Variants in EFHC2 observed in about 807,000 individuals in gnomAD.
EFHC2 encodes the protein EF-hand domain containing 2.
EFHC2 carries 18 observed loss-of-function variants against 52.7 expected under a neutral mutation model. That is an observed-to-expected ratio of 0.34 (90% CI 0.24 to 0.51). The LOEUF (loss-of-function observed/expected upper bound fraction) is 0.51, where lower values mean the gene tolerates loss of function less well. Ranked by LOEUF, EFHC2 falls within the 20% of genes least tolerant of loss-of-function variation. The pLI, the probability that EFHC2 is intolerant of heterozygous loss-of-function variation, is 0.97. For missense variants in EFHC2, 513 were observed against 562.5 expected, an observed-to-expected ratio of 0.91 and a Z score of 0.89; for synonymous variants, 203 against 204.1, an observed-to-expected ratio of 0.99 and a Z score of 0.04.
chrX:44,282,834 A>G (rs1270844284), intron 2 of EFHC2, among the ~76,000 whole-genome samples: 1 of 110,479 alleles, frequency 9.1e-6, no homozygotes, highest in Admixed American at 9.6e-5. Context: ...AAAAGCATGT[A>G]ATGGCTGCAG....
intron 13 of EFHC2, among the ~76,000 whole-genome samples, chrX:44,170,419 A>T (rs770535506): frequency 1.8e-5 from 2 of 111,180 alleles, no homozygotes; most frequent in Non-Finnish European, 3.8e-5. Context: ...TCCTAACAAT[A>T]GTATAGGTCA....
At position 44,343,590 on chromosome X, in the gene EFHC2, G is replaced by A. The variant is rs909773185; in HGVS notation, c.-2C>T. On this transcript the variant is annotated 5_prime_UTR_variant, in exon 1 of 15. Transcript: ENST00000420999. ...GCCCGGCAGCAGAGGCAGGGCCATG[G>A]CGCTCAGTGTCCGAAAATCCAGGGT... The A allele has an allele frequency of 3.4e-6, 4 of 1,193,845 alleles. No individual in the cohort carries two copies. Among genetic ancestry groups the A allele is most frequent in the Non-Finnish European group, 4.5e-6 (4 of 886,609 alleles).
intron 11 of EFHC2, among the ~76,000 whole-genome samples, chrX:44,192,054 ATATG>A (rs1028300029): frequency 1.2e-4 from 11 of 92,398 alleles, no homozygotes; most frequent in Non-Finnish European, 1.9e-4. Context: ...TTGAATTCAC[ATATG>A]TAAGTGTGTG....
At chrX:44,243,445 G>T (rs1353479086) in intron 7 of EFHC2, among the ~76,000 whole-genome samples, 1 of 112,059 alleles carries the variant, frequency 8.9e-6, no homozygotes, top group African/African-American at 3.2e-5. Context: ...AGAAAATGGA[G>T]ATCAATTTTT....
chrX:44,192,667 A>G (rs1191071591), intron 11 of EFHC2, among the ~76,000 whole-genome samples: 1 of 105,439 alleles, frequency 9.5e-6, no homozygotes, highest in African/African-American at 3.5e-5. Context: ...CATTGTTTCA[A>G]TCCCTCTCTA....
At chrX:44,289,717 T>A in intron 2 of EFHC2, among the ~76,000 whole-genome samples, 1 of 96,186 alleles carries the variant, frequency 1.0e-5, no homozygotes, top group Non-Finnish European at 2.1e-5. Flanking sequence ...AGACTCACTC[T>A]GTCGCCAGGG....
intron 10 of EFHC2, among the ~76,000 whole-genome samples, chrX:44,231,941 C>CAAA: frequency 9.5e-6 from 1 of 105,109 alleles, no homozygotes; most frequent in African/African-American, 3.4e-5. Context: ...CATCTTATTT[C>CAAA]AAAAAAAAAA....
intron 2 of EFHC2, among the ~76,000 whole-genome samples, chrX:44,309,025 G>A (rs1056595405): frequency 8.0e-5 from 9 of 112,841 alleles, no homozygotes; most frequent in African/African-American, 1.3e-4. Flanking sequence ...TTAAATGACT[G>A]TTTAATCCTG....
intron 11 of EFHC2, among the ~76,000 whole-genome samples, chrX:44,207,139 T>C (rs1185763766): frequency 8.9e-6 from 1 of 112,172 alleles, no homozygotes; most frequent in Non-Finnish European, 1.9e-5. Flanking sequence ...CTTCAATAAA[T>C]GGTGCTGGGA....
chrX:44,274,904 T>A (rs954408011), intron 2 of EFHC2, among the ~76,000 whole-genome samples: 8 of 110,767 alleles, frequency 7.2e-5, no homozygotes, highest in African/African-American at 2.6e-4. Context: ...AAAAATAATT[T>A]TTTTTAAAAA....
intron 2 of EFHC2, among the ~76,000 whole-genome samples, chrX:44,287,065 G>A (rs57795935): frequency 0.2 from 13,779 of 68,716 alleles, 1,182 homozygotes; most frequent in African/African-American, 0.35. Context: ...GTTTTTTAAT[G>A]AAAAATAGGC....
At chrX:44,168,589 G>A (rs1377673573) in intron 13 of EFHC2, among the ~76,000 whole-genome samples, 2 of 110,651 alleles carry the variant, frequency 1.8e-5, no homozygotes, top group South Asian at 3.8e-4. Context: ...ATCTTCCTCC[G>A]TACTGTGCTC....
At chrX:44,194,261 T>C (rs2036945088) in intron 11 of EFHC2, among the ~76,000 whole-genome samples, 1 of 112,103 alleles carries the variant, frequency 8.9e-6, no homozygotes, top group African/African-American at 3.2e-5. Context: ...TTATTTGTTT[T>C]GGGTCTTCTA....
chrX:44,207,168 T>G (rs1261622083), intron 11 of EFHC2, among the ~76,000 whole-genome samples: 1 of 111,776 alleles, frequency 8.9e-6, no homozygotes, highest in Non-Finnish European at 1.9e-5. Context: ...TAGACATGAA[T>G]TGGATCCCTA....
chrX:44,270,120 T>C (rs182406928), intron 3 of EFHC2, among the ~76,000 whole-genome samples: 57 of 111,652 alleles, frequency 5.1e-4, no homozygotes, highest in Middle Eastern at 4.6e-3. Context: ...GGCCTATTAT[T>C]ACTCCATGAG....
intron 11 of EFHC2, among the ~76,000 whole-genome samples, chrX:44,207,933 T>G (rs1021437943): frequency 7.1e-5 from 8 of 111,935 alleles, no homozygotes; most frequent in African/African-American, 2.6e-4. Context: ...GAAGGCAAAT[T>G]AAAATCAAAT....
intron 12 of EFHC2, among the ~76,000 whole-genome samples, chrX:44,177,797 T>G (rs2036798445): frequency 9.0e-6 from 1 of 110,681 alleles, no homozygotes; most frequent in African/African-American, 3.3e-5. Flanking sequence ...CATCTCAGAA[T>G]TAACCCTCCT....
intron 11 of EFHC2, among the ~76,000 whole-genome samples, chrX:44,225,067 G>A (rs926642922): frequency 5.4e-5 from 6 of 110,858 alleles, no homozygotes; most frequent in African/African-American, 2.0e-4. Flanking sequence ...ACTGCCACCA[G>A]GTATCTATCC....
chrX:44,333,812 G>A (rs767182298), intron 1 of EFHC2, among the ~76,000 whole-genome samples: 31 of 111,230 alleles, frequency 2.8e-4, no homozygotes, highest in Non-Finnish European at 5.7e-4. Context: ...ATCTACTGGG[G>A]GGCTCCTGGA....
Sources: gnomAD v4.1 joint callset for allele counts (sites outside exome capture counted in the v4.1 genomes callset) on GRCh38, gnomAD v4.1.1 for gene constraint, MANE v1.5 for transcripts, NCBI Gene and HGNC (gene_info 2026-07-23, HGNC 2026-07-21) for gene names.